Variants in GRM1 observed in about 807,000 individuals in gnomAD.
The protein encoded by GRM1 is metabotropic glutamate receptor 1.
In GRM1, 33 loss-of-function variants were observed where a neutral mutation model predicts 90.9. The ratio of observed to expected loss-of-function variants is 0.36; its 90% confidence interval spans 0.28 to 0.49. The LOEUF (loss-of-function observed/expected upper bound fraction) is 0.49. Ranked by LOEUF, GRM1 falls within the 20% of genes least tolerant of loss-of-function variation. The probability of loss-of-function intolerance (pLI) is 0.99; values close to 1 mark genes in which losing one functional copy is unlikely to be tolerated. For synonymous variants in GRM1, 700 were observed against 613.2 expected (o/e 1.14, Z -2.09); for missense variants, 1,190 against 1,534.3 (o/e 0.78, Z 3.75).
chr6:146,324,111 G>A (rs1784309492), intron 3 of GRM1, among the ~76,000 whole-genome samples: 1 of 152,212 alleles, frequency 6.6e-6, no homozygotes, highest in Non-Finnish European at 1.5e-5. Flanking sequence ...GGAATCTAGA[G>A]AGGCAGTCTG....
chr6:146,210,405 G>A lies in GRM1; in HGVS notation c.950+50808G>A, dbSNP rs558614742. On this transcript the variant is annotated intron_variant, in intron 2 of 7. Transcript: ENST00000282753. Reference sequence around the variant, plus strand: ...TGAAGCAGACACACTGCAAGATGCCGTAAGGTTACAATGAAACTAATTATG... The same window carrying A: ...TGAAGCAGACACACTGCAAGATGCCATAAGGTTACAATGAAACTAATTATG... Among the ~76,000 whole-genome samples the A allele has an allele frequency of 4.6e-5, 7 of 152,294 alleles. No homozygotes were observed. The East Asian group carries it at 7.7e-4, about 17-fold the overall frequency.
chr6:146,119,079 T>C (rs992250111), intron 1 of GRM1, among the ~76,000 whole-genome samples: 1 of 152,214 alleles, frequency 6.6e-6, no homozygotes, highest in Non-Finnish European at 1.5e-5. Context: ...TGTTCCTGTT[T>C]CTCCACATCC....
intron 2 of GRM1, among the ~76,000 whole-genome samples, chr6:146,298,285 T>C (rs1249808111): frequency 6.6e-6 from 1 of 152,194 alleles, no homozygotes; most frequent in Non-Finnish European, 1.5e-5. Flanking sequence ...CTCTCTTTTT[T>C]ACAGAAATTG....
At chr6:146,153,485 G>A (rs1321776679) in intron 1 of GRM1, among the ~76,000 whole-genome samples, 1 of 152,154 alleles carries the variant, frequency 6.6e-6, no homozygotes, top group Non-Finnish European at 1.5e-5. Context: ...TAAGTTTGGA[G>A]CCTTTTAGGT....
chr6:146,248,811 C>T (rs1194979178), intron 2 of GRM1, among the ~76,000 whole-genome samples: 1 of 152,092 alleles, frequency 6.6e-6, no homozygotes, highest in Non-Finnish European at 1.5e-5. Context: ...ATGGTTTTGA[C>T]CAAAATGCTG....
chr6:146,368,669 A>C (rs1775791263), intron 5 of GRM1, among the ~76,000 whole-genome samples: 1 of 151,754 alleles, frequency 6.6e-6, no homozygotes, highest in African/African-American at 2.4e-5. Context: ...ATGTGGTATT[A>C]AACCATCCTT....
intron 2 of GRM1, among the ~76,000 whole-genome samples, chr6:146,227,730 C>T (rs1270241900): frequency 2.0e-5 from 3 of 152,118 alleles, no homozygotes; most frequent in Non-Finnish European, 4.4e-5. Context: ...ACATAGGCAG[C>T]CTCCTTTACA....
At position 146,434,673 on chromosome 6, in the gene GRM1, G is replaced by A. The variant is rs774554489; in HGVS notation, c.3462G>A (p.Ser1154=). The A allele has an allele frequency of 4.0e-5, 65 of 1,606,968 alleles. 1 individual carries two copies. The East Asian group carries it at 1.2e-3, about 29-fold the overall frequency. The change falls in exon 8 of 8, where the codon TCG becomes TCA. Residue 1154 remains serine, a synonymous_variant. Coordinates refer to ENST00000282753, the MANE Select transcript of GRM1 (RefSeq NM_001278064.2). The stretch of plus-strand genomic sequence containing the variant: ...CGCCTCCGTCGCCTTTCCGCGACTC[G>A]GTGGCCTCGGGCAGCTCGGTGCCCA... ...ALTPPSPFRD[S]VASGSSVPSS...
intron 2 of GRM1, among the ~76,000 whole-genome samples, chr6:146,187,625 A>G (rs1778780147): frequency 6.6e-6 from 1 of 152,056 alleles, no homozygotes; most frequent in Non-Finnish European, 1.5e-5. Flanking sequence ...GACATATTTC[A>G]CGGACAACAA....
intron 2 of GRM1, among the ~76,000 whole-genome samples, chr6:146,173,946 G>A (rs564875375): frequency 7.2e-5 from 11 of 152,128 alleles, no homozygotes; most frequent in South Asian, 6.2e-4. Flanking sequence ...GTGAGCCACC[G>A]CACCTGGCTC....
chr6:146,368,054 A>G (rs563642197), intron 5 of GRM1, among the ~76,000 whole-genome samples: 1 of 152,064 alleles, frequency 6.6e-6, no homozygotes, highest in African/African-American at 2.4e-5. Context: ...TCAGTGTGTT[A>G]TAGTTTTGAT....
At chr6:146,169,099 A>G (rs142025643) in intron 2 of GRM1, among the ~76,000 whole-genome samples, 5 of 152,148 alleles carry the variant, frequency 3.3e-5, no homozygotes, top group Admixed American at 3.3e-4. Context: ...TTACATAGAA[A>G]TTTTATCTAT....
chr6:146,405,088 G>A (rs1333921491), intron 7 of GRM1, among the ~76,000 whole-genome samples: 1 of 152,146 alleles, frequency 6.6e-6, no homozygotes, highest in Non-Finnish European at 1.5e-5. Flanking sequence ...AACAGATAAG[G>A]AATACAGGAA....
rs1466938843 is a variant in GRM1, at chr6:146,434,305, G to A, written c.3094G>A (p.Asp1032Asn). The change falls in exon 8 of 8, where the codon GAC becomes AAC. Residue 1032 changes from aspartate to asparagine, a missense_variant. By Grantham distance (23) the Asp-to-Asn change is conservative. Transcript: ENST00000282753. ...CCCTCCACAGCAGAAATCGCTGATG[G>A]ACCAGCTCCAGGGAGTGGTCAGCAA... Reference protein sequence around the residue: ...QPPPQQKSLMDQLQGVVSNFS... With the variant: ...QPPPQQKSLMNQLQGVVSNFS... 2 of 1,605,946 alleles carry A rather than the reference G, an allele frequency of 1.2e-6. No homozygotes were observed. The highest frequency in any genetic ancestry group is 1.3e-5 in the African/African-American group (1 of 74,852).
At chr6:146,401,258 T>A (rs1454564574) in intron 7 of GRM1, among the ~76,000 whole-genome samples, 1 of 152,130 alleles carries the variant, frequency 6.6e-6, no homozygotes, top group Non-Finnish European at 1.5e-5. Context: ...GCTTACTTCT[T>A]GGTATATCAA....
intron 1 of GRM1, among the ~76,000 whole-genome samples, chr6:146,059,938 T>A (rs1775606302): frequency 6.6e-6 from 1 of 152,202 alleles, no homozygotes; most frequent in Non-Finnish European, 1.5e-5. Context: ...CTTAAGGGAA[T>A]GTTGTGAATG....
intron 7 of GRM1, among the ~76,000 whole-genome samples, chr6:146,408,836 C>T (rs964284700): frequency 6.6e-6 from 1 of 152,086 alleles, no homozygotes; most frequent in Admixed American, 6.6e-5. Flanking sequence ...ATCTGCTAGC[C>T]TTAGTGTCCA....
chr6:146,311,188 T>A (rs1045872157), intron 3 of GRM1, among the ~76,000 whole-genome samples: 10 of 152,172 alleles, frequency 6.6e-5, no homozygotes, highest in African/African-American at 2.4e-4. Flanking sequence ...AAAAGAATTT[T>A]AAAGCCCCCT....
intron 2 of GRM1, among the ~76,000 whole-genome samples, chr6:146,188,716 A>G (rs1583136945): frequency 6.6e-6 from 1 of 152,324 alleles, no homozygotes; most frequent in Non-Finnish European, 1.5e-5. Context: ...TTTTTTGACC[A>G]TGTAGCATTG....
Sources: gnomAD v4.1 joint callset for allele counts (sites outside exome capture counted in the v4.1 genomes callset) on GRCh38, gnomAD v4.1.1 for gene constraint, MANE v1.5 for transcripts, NCBI Gene and HGNC (gene_info 2026-07-23, HGNC 2026-07-21) for gene names.